The following PPP1R9A variants were observed in gnomAD, a reference collection of about 807,000 sequenced individuals.
The protein encoded by PPP1R9A is protein phosphatase 1 regulatory subunit 9A.
PPP1R9A carries 59 observed loss-of-function variants against 141.9 expected under a neutral mutation model. The observed-to-expected ratio is 0.42, with a 90% CI of 0.34 to 0.52. The LOEUF (loss-of-function observed/expected upper bound fraction) is 0.52, where lower values mean the gene tolerates loss of function less well. Among genes scored for constraint, PPP1R9A ranks in the 20% least tolerant of loss-of-function variants. The pLI is 0.10. For synonymous variants in PPP1R9A, 500 were observed against 569.7 expected (o/e 0.88, Z 1.74); for missense variants, 1,444 against 1,611.9 (o/e 0.90, Z 1.78).
At chr7:95,155,632 A>C (rs1240296018) in intron 4 of PPP1R9A, 1 of 152,240 alleles carries the variant, frequency 6.6e-6, no homozygotes, top group Non-Finnish European at 1.5e-5. Context: ...CAAAAGTATA[A>C]CATGTTAAAA....
intron 6 of PPP1R9A, among the ~76,000 whole-genome samples, chr7:95,201,139 A>G (rs1334370120): frequency 6.6e-6 from 1 of 152,216 alleles, no homozygotes; most frequent in Non-Finnish European, 1.5e-5. Flanking sequence ...TATTTTCTCT[A>G]TGCAACAGTC....
At chr7:95,117,487 C>G (rs1821731717) in intron 3 of PPP1R9A, among the ~76,000 whole-genome samples, 1 of 152,036 alleles carries the variant, frequency 6.6e-6, no homozygotes, top group Admixed American at 6.6e-5. Context: ...GTTAATATTG[C>G]TTTTTCTGCA....
At chr7:95,085,006 A>G (rs1246658574) in intron 2 of PPP1R9A, among the ~76,000 whole-genome samples, 1 of 151,970 alleles carries the variant, frequency 6.6e-6, no homozygotes, top group Non-Finnish European at 1.5e-5. Flanking sequence ...CACATTACTT[A>G]TCACTGGGCC....
At chr7:95,235,357 A>G (rs1796536540) in intron 8 of PPP1R9A, among the ~76,000 whole-genome samples, 1 of 152,198 alleles carries the variant, frequency 6.6e-6, no homozygotes, top group Admixed American at 6.6e-5. Context: ...TGGGCTAAGG[A>G]CATGAATGAA....
At chr7:95,079,612 C>A (rs1307365660) in intron 2 of PPP1R9A, among the ~76,000 whole-genome samples, 1 of 151,808 alleles carries the variant, frequency 6.6e-6, no homozygotes, top group African/African-American at 2.4e-5. Context: ...ATCCTGATAC[C>A]AAAGCCGGGC....
chr7:95,019,722 G>A (rs1805626537), intron 2 of PPP1R9A, among the ~76,000 whole-genome samples: 1 of 152,140 alleles, frequency 6.6e-6, no homozygotes, highest in African/African-American at 2.4e-5. Flanking sequence ...ACATCCATTA[G>A]GATGGCAAGC....
At chr7:95,116,563 G>A (rs1424895321) in intron 3 of PPP1R9A, among the ~76,000 whole-genome samples, 1 of 152,024 alleles carries the variant, frequency 6.6e-6, no homozygotes, top group Non-Finnish European at 1.5e-5. Flanking sequence ...CTTTTTGAAA[G>A]TCATTTCTAT....
chr7:95,184,038 A>G (rs1227198849), intron 5 of PPP1R9A, among the ~76,000 whole-genome samples: 5 of 152,158 alleles, frequency 3.3e-5, no homozygotes, highest in African/African-American at 1.2e-4. Context: ...GAAAGGAAAA[A>G]TATGTAAGAA....
chr7:95,277,105 G>A (rs1272928425), intron 16 of PPP1R9A, among the ~76,000 whole-genome samples: 1 of 152,174 alleles, frequency 6.6e-6, no homozygotes, highest in African/African-American at 2.4e-5. Flanking sequence ...CTTGGACTGA[G>A]TAATGTTATC....
At chr7:94,998,512 T>TA (rs1407290983) in intron 2 of PPP1R9A, among the ~76,000 whole-genome samples, 1 of 152,224 alleles carries the variant, frequency 6.6e-6, no homozygotes, top group African/African-American at 2.4e-5. Context: ...TGATTTTTTT[T>TA]AAAAGGTCTC....
chr7:95,093,596 A>G (rs1817636350), intron 2 of PPP1R9A, among the ~76,000 whole-genome samples: 1 of 152,214 alleles, frequency 6.6e-6, no homozygotes, highest in African/African-American at 2.4e-5. Context: ...CAAAAAATGG[A>G]AACATTATAA....
chr7:94,996,068 A>C (rs1291621157), intron 2 of PPP1R9A, among the ~76,000 whole-genome samples: 1 of 152,104 alleles, frequency 6.6e-6, no homozygotes, highest in Non-Finnish European at 1.5e-5. Flanking sequence ...TACCCAGTCT[A>C]TTTCTCCATA....
chr7:95,238,413 AGATACAGG>A (rs1796999830), intron 8 of PPP1R9A, among the ~76,000 whole-genome samples: 1 of 152,148 alleles, frequency 6.6e-6, no homozygotes, highest in Admixed American at 6.6e-5. Flanking sequence ...ATGTACCTCC[AGATACAGG>A]CTTACTCAGG....
chr7:95,032,186 A>G (rs1807784188), intron 2 of PPP1R9A, among the ~76,000 whole-genome samples: 1 of 152,122 alleles, frequency 6.6e-6, no homozygotes, highest in South Asian at 2.1e-4. Flanking sequence ...GCAGTTTATC[A>G]CCATTCCTGT....
chr7:95,135,799 G>A (rs1825544986), intron 4 of PPP1R9A, among the ~76,000 whole-genome samples: 1 of 145,898 alleles, frequency 6.9e-6, no homozygotes, highest in African/African-American at 2.5e-5. Context: ...TTCACTTCAT[G>A]AAAGTATGTG....
At chr7:95,102,223 T>A (rs1000267052) in intron 2 of PPP1R9A, among the ~76,000 whole-genome samples, 17 of 152,172 alleles carry the variant, frequency 1.1e-4, no homozygotes, top group African/African-American at 3.9e-4. Flanking sequence ...GAAATATGGG[T>A]CCCAGATTAT....
chr7:95,097,713 AC>A (rs1170450055), intron 2 of PPP1R9A, among the ~76,000 whole-genome samples: 3 of 152,188 alleles, frequency 2.0e-5, no homozygotes, highest in Non-Finnish European at 4.4e-5. Context: ...GCTCTTCATG[AC>A]CTATTAGATT....
At chr7:95,021,251 G>C (rs144650545) in intron 2 of PPP1R9A, among the ~76,000 whole-genome samples, 1 of 150,958 alleles carries the variant, frequency 6.6e-6, no homozygotes, top group Admixed American at 6.6e-5. Context: ...TTTCATGTTT[G>C]TTGGCCGCAT....
Position 95,225,997 on chromosome 7 carries a change from G to A in PPP1R9A, c.1993G>A (p.Val665Ile), listed in dbSNP as rs753237165. The A allele has an allele frequency of 2.5e-6, 4 of 1,613,108 alleles. No homozygotes were observed. Among genetic ancestry groups the A allele is most frequent in the South Asian group, 2.2e-5 (2 of 90,984 alleles). ...TGCCACAGATGAAGAAGAAGATGAG[G>A]TAGGACCTGTCCTTCCTGGCAGCGA... Reference protein sequence around the residue: ...EYATDEEEDEVGPVLPGSDMA... With the variant: ...EYATDEEEDEIGPVLPGSDMA... Residue 665 changes from valine to isoleucine, a missense_variant, in exon 8 of 20, where the codon GTA (valine) becomes ATA (isoleucine). By Grantham distance (29) the Val-to-Ile change is conservative. Transcript: ENST00000433360.
Sources: gnomAD v4.1 joint callset for allele counts (sites outside exome capture counted in the v4.1 genomes callset) on GRCh38, gnomAD v4.1.1 for gene constraint, MANE v1.5 for transcripts, NCBI Gene and HGNC (gene_info 2026-07-23, HGNC 2026-07-21) for gene names.